NCKAP5: variants seen among roughly 807,000 people sequenced by gnomAD.
NCKAP5 encodes NCK associated protein 5, also known as nck-associated protein 5.
NCKAP5 carries 92 observed loss-of-function variants against 167.0 expected under a neutral mutation model. The observed-to-expected ratio is 0.55, with a 90% CI of 0.47 to 0.66. NCKAP5 has a LOEUF of 0.66. NCKAP5 is among the 30% of genes least tolerant of loss of function. NCKAP5 has a pLI of 0.00. For synonymous variants in NCKAP5, 891 were observed against 877.4 expected (o/e 1.02, Z -0.27); for missense variants, 2,378 against 2,315.0 (o/e 1.03, Z -0.56).
intron 8 of NCKAP5, among the ~76,000 whole-genome samples, chr2:132,890,014 G>A (rs1036675480): frequency 1.3e-5 from 2 of 152,192 alleles, no homozygotes; most frequent in Non-Finnish European, 2.9e-5. Context: ...CTGCCTCCCT[G>A]TGGCTTTCCC....
intron 3 of NCKAP5, among the ~76,000 whole-genome samples, chr2:133,470,555 G>A (rs1238010218): frequency 2.6e-5 from 4 of 152,232 alleles, no homozygotes; most frequent in Non-Finnish European, 4.4e-5. Context: ...CGAGCTTCCT[G>A]GCTGCTTTGT....
At chr2:133,416,670 A>T (rs1559467762) in intron 3 of NCKAP5, among the ~76,000 whole-genome samples, 1 of 152,006 alleles carries the variant, frequency 6.6e-6, no homozygotes, top group Non-Finnish European at 1.5e-5. Flanking sequence ...AAAAAAAAAA[A>T]GTTAGGTTCA....
intron 1 of NCKAP5, among the ~76,000 whole-genome samples, chr2:133,560,164 G>C (rs928919938): frequency 2.6e-5 from 4 of 152,196 alleles, no homozygotes; most frequent in African/African-American, 9.7e-5. Flanking sequence ...CATGAGATTT[G>C]AATGCCATCA....
chr2:133,189,842 T>C (rs2085127905), intron 5 of NCKAP5, among the ~76,000 whole-genome samples: 1 of 152,116 alleles, frequency 6.6e-6, no homozygotes, highest in Non-Finnish European at 1.5e-5. Flanking sequence ...AAACTGCAAG[T>C]ATTCCCTTTG....
chr2:133,308,944 T>A (rs1195851077), intron 3 of NCKAP5, among the ~76,000 whole-genome samples: 1 of 150,128 alleles, frequency 6.7e-6, no homozygotes, highest in Admixed American at 6.6e-5. Context: ...TCTCCTGACC[T>A]CATGATCCAC....
chr2:132,902,770 A>G (rs368065783), intron 8 of NCKAP5, among the ~76,000 whole-genome samples: 1 of 152,298 alleles, frequency 6.6e-6, no homozygotes, highest in East Asian at 1.9e-4. Flanking sequence ...TGTGAAGGGG[A>G]CTTAACACAT....
chr2:133,229,394 G>A (rs2087040878), intron 4 of NCKAP5, among the ~76,000 whole-genome samples: 1 of 152,156 alleles, frequency 6.6e-6, no homozygotes, highest in South Asian at 2.1e-4. Context: ...CCAACAAAAA[G>A]CCACTTCCTA....
intron 4 of NCKAP5, among the ~76,000 whole-genome samples, chr2:133,278,749 A>C (rs997340799): frequency 9.2e-5 from 14 of 151,616 alleles, no homozygotes; most frequent in Non-Finnish European, 1.9e-4. Flanking sequence ...TGTAGTGATC[A>C]CAAATAAGAG....
intron 5 of NCKAP5, among the ~76,000 whole-genome samples, chr2:133,212,368 G>C (rs1355784737): frequency 6.6e-6 from 1 of 152,122 alleles, no homozygotes; most frequent in African/African-American, 2.4e-5. Context: ...AAAGATGCTT[G>C]TGAAAGTTTC....
chr2:133,371,230 T>A (rs1024189674), intron 3 of NCKAP5, among the ~76,000 whole-genome samples: 2 of 152,136 alleles, frequency 1.3e-5, no homozygotes, highest in Non-Finnish European at 2.9e-5. Flanking sequence ...CAGTCATGGG[T>A]TAAAAATCAG....
chr2:133,112,586 A>C (rs2081953722), intron 6 of NCKAP5, among the ~76,000 whole-genome samples: 1 of 152,186 alleles, frequency 6.6e-6, no homozygotes, highest in African/African-American at 2.4e-5. Context: ...AAAAACCACT[A>C]TAAATATCTG....
the NCKAP5 span, among the ~76,000 whole-genome samples, chr2:133,622,930 C>A: frequency 6.6e-6 from 1 of 152,106 alleles, no homozygotes; most frequent in Non-Finnish European, 1.5e-5. Flanking sequence ...ACCAAAACAG[C>A]ATGATACTGT....
intron 2 of NCKAP5, among the ~76,000 whole-genome samples, chr2:133,548,917 A>AAAAGACAC (rs1687009265): frequency 6.6e-6 from 1 of 151,966 alleles, no homozygotes; most frequent in Admixed American, 6.6e-5. Flanking sequence ...TGCTCCAATT[A>AAAAGACAC]AAAGACACAG....
the NCKAP5 span, among the ~76,000 whole-genome samples, chr2:133,603,085 A>T: frequency 6.6e-6 from 1 of 152,196 alleles, no homozygotes. Context: ...GGATAGCCAA[A>T]AAGTTAAAAC....
chr2:133,111,828 A>G (rs2081924236), intron 6 of NCKAP5, among the ~76,000 whole-genome samples: 1 of 152,220 alleles, frequency 6.6e-6, no homozygotes, highest in African/African-American at 2.4e-5. Context: ...AAAACACAAG[A>G]GAGTGACCAC....
chr2:133,299,565 G>T (rs1680215883), intron 4 of NCKAP5, among the ~76,000 whole-genome samples: 1 of 152,112 alleles, frequency 6.6e-6, no homozygotes, highest in Non-Finnish European at 1.5e-5. Flanking sequence ...TGGCCAACAT[G>T]GTGAAACACT....
chr2:132,828,526 C>T (rs1412192215), intron 11 of NCKAP5, among the ~76,000 whole-genome samples: 1 of 152,108 alleles, frequency 6.6e-6, no homozygotes, highest in Non-Finnish European at 1.5e-5. Flanking sequence ...CCTGAGGCCT[C>T]CCCAGAAACA....
chr2:133,314,082 A>G lies in NCKAP5; in HGVS notation c.70-10972T>C, dbSNP rs113679303. Among the ~76,000 whole-genome samples the G allele has an allele frequency of 3.5e-3, 529 of 152,234 alleles. 9 individuals carry two copies. Among genetic ancestry groups the G allele is most frequent in the African/African-American group, 0.012 (500 of 41,510 alleles). On this transcript the variant is annotated intron_variant, in intron 3 of 19. Coordinates refer to ENST00000409261, the MANE Select transcript of NCKAP5 (RefSeq NM_207363.3). ...AGGACCGCCTGAGCCTATGATTATC[A>G]ATATCATTCAAAATCTGGCCAGGTA...
chr2:132,770,033 C>A (rs1418598661), intron 16 of NCKAP5, among the ~76,000 whole-genome samples: 1 of 152,170 alleles, frequency 6.6e-6, no homozygotes, highest in African/African-American at 2.4e-5. Context: ...TAGGGTTCTA[C>A]CACAAAACAA....
Sources: gnomAD v4.1 joint callset for allele counts (sites outside exome capture counted in the v4.1 genomes callset) on GRCh38, gnomAD v4.1.1 for gene constraint, MANE v1.5 for transcripts, NCBI Gene and HGNC (gene_info 2026-07-23, HGNC 2026-07-21) for gene names.